Variants in PHF24 observed in about 807,000 individuals in gnomAD.
The protein encoded by PHF24 is Galpha inhibitory interacting protein.
Under a neutral mutation model 42.6 loss-of-function variants are expected in PHF24, and 25 were observed. That is an observed-to-expected ratio of 0.59 (90% CI 0.43 to 0.82). The LOEUF (loss-of-function observed/expected upper bound fraction) is 0.82. Among genes scored for constraint, PHF24 ranks in the 40% least tolerant of loss-of-function variants. PHF24 has a pLI of 0.00. For synonymous variants in PHF24, 185 were observed against 204.8 expected, an observed-to-expected ratio of 0.90 and a Z score of 0.83; for missense variants, 470 against 538.1, an observed-to-expected ratio of 0.87 and a Z score of 1.25.
chr9:34,820,076 A>G, the PHF24 span, among the ~76,000 whole-genome samples: 1 of 151,386 alleles, frequency 6.6e-6, no homozygotes, highest in African/African-American at 2.4e-5. Flanking sequence ...TATAAAATCT[A>G]TTTTGACTAA....
At chr9:34,837,978 A>T in the PHF24 span, among the ~76,000 whole-genome samples, 1 of 152,220 alleles carries the variant, frequency 6.6e-6, no homozygotes, top group Non-Finnish European at 1.5e-5. Context: ...AGGATAGTAC[A>T]GATCAAAGAG....
chr9:34,938,682 C>G, the PHF24 span, among the ~76,000 whole-genome samples: 1 of 152,052 alleles, frequency 6.6e-6, no homozygotes, highest in African/African-American at 2.4e-5. Flanking sequence ...GTAATCCCAG[C>G]ACTTTGGGAG....
intron 1 of PHF24, among the ~76,000 whole-genome samples, chr9:34,959,339 A>C (rs985706641): frequency 6.6e-6 from 1 of 152,230 alleles, no homozygotes; most frequent in African/African-American, 2.4e-5. Context: ...AGGTATGTTT[A>C]AACATCTCAT....
upstream of PHF24, among the ~76,000 whole-genome samples, chr9:34,957,332 T>C (rs576519407): frequency 2.0e-5 from 3 of 152,364 alleles, no homozygotes; most frequent in East Asian, 5.8e-4. Context: ...ATTTTAAAAA[T>C]GTAAGTGCAA....
the PHF24 span, among the ~76,000 whole-genome samples, chr9:34,949,359 C>T: frequency 7.2e-4 from 109 of 152,042 alleles, no homozygotes; most frequent in South Asian, 0.017. Context: ...CAGATGCTGG[C>T]GAGGATGTGG....
At chr9:34,888,932 T>G in the PHF24 span, 1 of 396,484 alleles carries the variant, frequency 2.5e-6, no homozygotes, top group Non-Finnish European at 4.4e-6. Context: ...GGAGGAGTCA[T>G]GTGGAATGCT....
the PHF24 span, among the ~76,000 whole-genome samples, chr9:34,946,555 A>G: frequency 1.3e-5 from 2 of 152,238 alleles, no homozygotes; most frequent in Admixed American, 6.5e-5. Context: ...TTATAGATCG[A>G]GATTTCTAGT....
At chr9:34,696,241 AT>A in the PHF24 span, among the ~76,000 whole-genome samples, 5 of 152,136 alleles carry the variant, frequency 3.3e-5, no homozygotes, top group Admixed American at 3.3e-4. Context: ...TAATCCCAAC[AT>A]TTTGGGAGGC....
At chr9:34,917,158 C>T in the PHF24 span, 1 of 1,293,118 alleles carries the variant, frequency 7.7e-7, no homozygotes, top group Non-Finnish European at 1.1e-6. Flanking sequence ...TGCTCGGCAC[C>T]CAGAACACCT....
chr9:34,764,101 A>G, the PHF24 span, among the ~76,000 whole-genome samples: 20 of 152,302 alleles, frequency 1.3e-4, no homozygotes, highest in South Asian at 4.1e-4. Context: ...TCGGTTTGCC[A>G]GTATTTTATT....
the PHF24 span, chr9:34,837,236 C>G: frequency 2.4e-6 from 1 of 410,260 alleles, no homozygotes; most frequent in Non-Finnish European, 4.9e-6. Context: ...ACTGAGAACC[C>G]TAATTATAAA....
chr9:34,922,603 G>T, the PHF24 span: 1 of 957,302 alleles, frequency 1.0e-6, no homozygotes, highest in Non-Finnish European at 1.7e-6. Context: ...AAGCACTGGG[G>T]ATCAAGAACT....
At chr9:34,886,678 T>TGGGAC in the PHF24 span, among the ~76,000 whole-genome samples, 1 of 152,154 alleles carries the variant, frequency 6.6e-6, no homozygotes, top group East Asian at 1.9e-4. Flanking sequence ...AGACCAGTCC[T>TGGGAC]TAGATCTCTT....
chr9:34,936,598 T>A, the PHF24 span, among the ~76,000 whole-genome samples: 1 of 141,746 alleles, frequency 7.1e-6, no homozygotes, highest in Non-Finnish European at 1.5e-5. Context: ...GTCTCTGCCC[T>A]GCCGCCATCC....
the PHF24 span, among the ~76,000 whole-genome samples, chr9:34,831,850 AT>A: frequency 6.6e-6 from 1 of 152,138 alleles, no homozygotes; most frequent in African/African-American, 2.4e-5. Context: ...TCCAAGATGG[AT>A]TTTCTAGAAA....
At chr9:34,919,254 G>C in the PHF24 span, among the ~76,000 whole-genome samples, 1 of 152,078 alleles carries the variant, frequency 6.6e-6, no homozygotes, top group Non-Finnish European at 1.5e-5. Flanking sequence ...ACCAAATTAG[G>C]ATAATTAGAA....
chr9:34,860,894 G>A, the PHF24 span, among the ~76,000 whole-genome samples: 1 of 152,198 alleles, frequency 6.6e-6, no homozygotes, highest in Admixed American at 6.6e-5. Flanking sequence ...GCCATGGACT[G>A]TGATCTCTTT....
At chr9:34,835,577 G>T in the PHF24 span, 7 of 1,551,620 alleles carry the variant, frequency 4.5e-6, no homozygotes, top group Non-Finnish European at 6.1e-6. Context: ...GACAAGGCTG[G>T]GGTTGCTCTG....
chr9:34,792,847 G>A, the PHF24 span, among the ~76,000 whole-genome samples: 1 of 152,152 alleles, frequency 6.6e-6, no homozygotes, highest in African/African-American at 2.4e-5. Context: ...GTGTCCATAT[G>A]AGCATCAGAA....
Sources: gnomAD v4.1 joint callset for allele counts (sites outside exome capture counted in the v4.1 genomes callset) on GRCh38, gnomAD v4.1.1 for gene constraint, MANE v1.5 for transcripts, NCBI Gene and HGNC (gene_info 2026-07-23, HGNC 2026-07-21) for gene names.